Variants in SAMD3 observed in about 807,000 individuals in gnomAD.
SAMD3 encodes the protein sterile alpha motif domain containing 3.
In SAMD3, 63 loss-of-function variants were observed where a neutral mutation model predicts 58.5. The ratio of observed to expected loss-of-function variants is 1.08; its 90% CI spans 0.88 to 1.33. SAMD3 has a LOEUF of 1.33. Ranked by LOEUF, SAMD3 falls within the 40% of genes most tolerant of loss-of-function variation. SAMD3 has a pLI of 0.00. For synonymous variants in SAMD3, 220 were observed against 210.3 expected, an observed-to-expected ratio of 1.05 and a Z score of -0.40; for missense variants, 604 against 608.4, an observed-to-expected ratio of 0.99 and a Z score of 0.08.
Position 130,144,802 on chromosome 6 carries a change from C to A in SAMD3, c.1281G>T (p.Val427=). The A allele has an allele frequency of 1.2e-6, 2 of 1,602,366 alleles. No individual in the cohort carries two copies. The highest frequency in any genetic ancestry group is 1.7e-6 in the Non-Finnish European group (2 of 1,176,088). ...CTTCCAACACAGGTGTGGACACTTG[C>A]ACCTGAAAAAAAGAGTGGAGTCATT... ...PSLFVIMNEQ[V]QVSTPVLEVK... The change falls in exon 12 of 12, where the codon GTG becomes GTT. Residue 427 remains valine, a splice_region_variant and synonymous_variant. Coordinates refer to ENST00000439090, the MANE Select transcript of SAMD3 (RefSeq NM_001017373.4).
intron 2 of SAMD3, among the ~76,000 whole-genome samples, chr6:130,246,105 T>A (rs188235601): frequency 7.2e-5 from 11 of 152,300 alleles, no homozygotes; most frequent in Non-Finnish European, 1.3e-4. Flanking sequence ...AGAAAGTTTA[T>A]TTAAAAGATG....
At chr6:130,327,220 C>T (rs1383516093) in intron 1 of SAMD3, among the ~76,000 whole-genome samples, 5 of 151,968 alleles carry the variant, frequency 3.3e-5, no homozygotes, top group African/African-American at 1.2e-4. Flanking sequence ...TAAGCATTGG[C>T]ATGTGCATTT....
chr6:130,190,100 T>C (rs897806561), intron 5 of SAMD3, among the ~76,000 whole-genome samples: 8 of 151,920 alleles, frequency 5.3e-5, no homozygotes, highest in African/African-American at 1.9e-4. Context: ...TGTTCAAATC[T>C]CTGGATGATC....
intron 5 of SAMD3, among the ~76,000 whole-genome samples, chr6:130,203,454 G>T (rs1794817332): frequency 6.6e-6 from 1 of 152,132 alleles, no homozygotes; most frequent in Non-Finnish European, 1.5e-5. Context: ...TAGCAGGTTT[G>T]ACATCCTGGA....
rs1326017097 is a variant in SAMD3 at position 130,239,320 on chromosome 6, T to A, written c.-187-16507A>T. ...TTTGCAACCATGAGCGAAAGATGAG[T>A]AAACTGTAAACCATCTGTAGTGGCA... On this transcript the variant is annotated intron_variant, in intron 2 of 13. Coordinates refer to the SAMD3 transcript ENST00000368134. Among the ~76,000 whole-genome samples the A allele has an allele frequency of 2.0e-5, 3 of 152,152 alleles. No homozygotes were observed. In the East Asian group the frequency reaches 5.8e-4, roughly 29 times the overall value.
intron 8 of SAMD3, among the ~76,000 whole-genome samples, chr6:130,155,821 C>A (rs1789725928): frequency 6.6e-6 from 1 of 152,116 alleles, no homozygotes; most frequent in African/African-American, 2.4e-5. Flanking sequence ...GATCTACTTT[C>A]TGTGAACACA....
At chr6:130,344,825 CAAAAAAAAAAAA>C (rs56795907) in intron 1 of SAMD3, among the ~76,000 whole-genome samples, 2 of 41,110 alleles carry the variant, frequency 4.9e-5, no homozygotes, top group African/African-American at 1.1e-4. Context: ...ACAACAACAG[CAAAAAAAAAAAA>C]AAAAAAAAAA....
At chr6:130,162,219 A>C in intron 8 of SAMD3, 1 of 700,458 alleles carries the variant, frequency 1.4e-6, no homozygotes, top group Non-Finnish European at 2.6e-6. Flanking sequence ...AAGCTCTCAC[A>C]GAGTTGGTTG....
chr6:130,171,827 T>C (rs1008941263), intron 8 of SAMD3, among the ~76,000 whole-genome samples: 2 of 152,196 alleles, frequency 1.3e-5, no homozygotes, highest in African/African-American at 4.8e-5. Context: ...CGCCTACTAT[T>C]ATTGTGTGGG....
At chr6:130,360,098 T>C (rs1396765901) in intron 1 of SAMD3, among the ~76,000 whole-genome samples, 1 of 152,270 alleles carries the variant, frequency 6.6e-6, no homozygotes, top group Non-Finnish European at 1.5e-5. Context: ...AGATCTGACA[T>C]GCTCAAGTTC....
At chr6:130,359,562 A>T (rs959837217) in intron 1 of SAMD3, among the ~76,000 whole-genome samples, 1 of 152,182 alleles carries the variant, frequency 6.6e-6, no homozygotes. Flanking sequence ...AGGATTTCTG[A>T]TGATCCTTAT....
chr6:130,182,084 A>C (rs954942539), intron 7 of SAMD3, among the ~76,000 whole-genome samples: 8 of 151,946 alleles, frequency 5.3e-5, no homozygotes, highest in South Asian at 2.1e-4. Flanking sequence ...AAAAAAAAAA[A>C]AAACCACAAG....
At chr6:130,221,121 T>C (rs1796206626) in intron 1 of SAMD3, among the ~76,000 whole-genome samples, 1 of 152,194 alleles carries the variant, frequency 6.6e-6, no homozygotes, top group Non-Finnish European at 1.5e-5. Context: ...CCCAAAGTGC[T>C]GGGATTACAG....
chr6:130,348,231 T>A (rs950499751), intron 1 of SAMD3, among the ~76,000 whole-genome samples: 1 of 152,092 alleles, frequency 6.6e-6, no homozygotes, highest in African/African-American at 2.4e-5. Context: ...ATAACAATAT[T>A]AACCTTAAAT....
At chr6:130,169,976 A>C (rs992059120) in intron 8 of SAMD3, among the ~76,000 whole-genome samples, 2 of 149,060 alleles carry the variant, frequency 1.3e-5, no homozygotes, top group Non-Finnish European at 3.0e-5. Context: ...TCTACTGAAA[A>C]TCAAATGTTT....
chr6:130,270,192 T>A (rs4897389), intron 2 of SAMD3, among the ~76,000 whole-genome samples: 47,280 of 151,988 alleles, frequency 0.31, 7,726 homozygotes, highest in East Asian at 0.47. Flanking sequence ...CCCAGGTTCA[T>A]GTGATTTTTG....
At position 130,154,876 on chromosome 6, in the gene SAMD3, T is replaced by A. The variant is rs757273368; in HGVS notation, c.972A>T (p.Thr324=). Residue 324 remains threonine (T), a synonymous_variant, in exon 9 of 12, where the codon ACA becomes ACT. Transcript: ENST00000439090. The part of the protein sequence containing the change: ...EIRRKMIGSR[T]PLKDILKLFP... ...ACAGTTTAAGAATGTCCTTCAGAGG[T>A]GTTCGGCTGCCAATCATCTTTCTTC... 1 of 1,613,264 alleles carries A rather than the reference T, an allele frequency of 6.2e-7. No homozygotes were observed. Among genetic ancestry groups the A allele is most frequent in the East Asian group, 2.2e-5 (1 of 44,764 alleles).
chr6:130,214,753 T>C (rs1410349875), intron 3 of SAMD3, among the ~76,000 whole-genome samples: 1 of 152,192 alleles, frequency 6.6e-6, no homozygotes, highest in East Asian at 1.9e-4. Flanking sequence ...TAAAAACTTA[T>C]TATTTCTACA....
chr6:130,246,020 C>T (rs985568197), intron 2 of SAMD3, among the ~76,000 whole-genome samples: 1 of 152,088 alleles, frequency 6.6e-6, no homozygotes, highest in Non-Finnish European at 1.5e-5. Context: ...GATCAATCTG[C>T]AAATTGAGTT....
Sources: gnomAD v4.1 joint callset for allele counts (sites outside exome capture counted in the v4.1 genomes callset) on GRCh38, gnomAD v4.1.1 for gene constraint, MANE v1.5 for transcripts, NCBI Gene and HGNC (gene_info 2026-07-23, HGNC 2026-07-21) for gene names.